The following LOXHD1 variants were observed in gnomAD, a reference collection of about 807,000 sequenced individuals.
The protein encoded by LOXHD1 is lipoxygenase homology domain-containing protein 1.
A neutral mutation model predicts 248.2 loss-of-function variants in LOXHD1; 205 were observed. The ratio of observed to expected loss-of-function variants is 0.83; its 90% CI spans 0.74 to 0.93. The LOEUF is 0.93. Ranked by LOEUF, LOXHD1 falls within the 40% of genes least tolerant of loss-of-function variation. The pLI is 0.00. For missense variants in LOXHD1, 2,930 were observed against 2,971.6 expected, an observed-to-expected ratio of 0.99 and a Z score of 0.33; for synonymous variants, 1,113 against 1,162.8, an observed-to-expected ratio of 0.96 and a Z score of 0.87.
chr18:46,592,631 G>C (rs1301026787), intron 10 of LOXHD1, 47 bp from the exon 11 acceptor site: 3 of 1,466,002 alleles, frequency 2.0e-6, no homozygotes, highest in Non-Finnish European at 1.9e-6. Context: ...CTGAAGAAAT[G>C]TGTTTATTCT....
At chr18:46,544,879 G>C in intron 23 of LOXHD1, 1 of 472,438 alleles carries the variant, frequency 2.1e-6, no homozygotes, top group Non-Finnish European at 4.4e-6. Flanking sequence ...GACTACTTGA[G>C]GGACTGACTG....
At chr18:46,509,236 G>T (rs1035261787) in intron 35 of LOXHD1, among the ~76,000 whole-genome samples, 1 of 152,102 alleles carries the variant, frequency 6.6e-6, no homozygotes, top group Non-Finnish European at 1.5e-5. Context: ...GGGTGCTGAC[G>T]GCCAAGCTCA....
intron 7 of LOXHD1, among the ~76,000 whole-genome samples, chr18:46,602,820 T>C (rs140920677): frequency 6.6e-6 from 1 of 152,256 alleles, no homozygotes; most frequent in Non-Finnish European, 1.5e-5. Flanking sequence ...TTCTCTAAGA[T>C]GCATGGACAA....
chr18:46,634,473 C>T (rs991648636), intron 4 of LOXHD1, among the ~76,000 whole-genome samples: 1 of 152,206 alleles, frequency 6.6e-6, no homozygotes, highest in African/African-American at 2.4e-5. Flanking sequence ...CCTCATGTGA[C>T]AGGTCACAGA....
At chr18:46,482,765 G>A (rs951336489) in intron 40 of LOXHD1, among the ~76,000 whole-genome samples, 1 of 152,230 alleles carries the variant, frequency 6.6e-6, no homozygotes, top group African/African-American at 2.4e-5. Context: ...TCCTTGTGCA[G>A]GGAAGGCTCT....
intron 17 of LOXHD1, among the ~76,000 whole-genome samples, chr18:46,565,216 G>C (rs2037614502): frequency 6.6e-6 from 1 of 151,692 alleles, no homozygotes; most frequent in Admixed American, 6.6e-5. Flanking sequence ...AGCTGAGATT[G>C]TGCCACTGCA....
At chr18:46,508,352 A>T (rs1263883747) in intron 35 of LOXHD1, among the ~76,000 whole-genome samples, 3 of 152,224 alleles carry the variant, frequency 2.0e-5, no homozygotes, top group Non-Finnish European at 4.4e-5. Context: ...AGGTGTAATC[A>T]GTTCAGATGA....
At chr18:46,479,284 A>G (rs111267271) in intron 40 of LOXHD1, among the ~76,000 whole-genome samples, 1,586 of 146,250 alleles carry the variant, frequency 0.011, 39 homozygotes, top group African/African-American at 0.038. Context: ...ACTGCAGAGT[A>G]CAAAGGGAAA....
chr18:46,654,291 A>G (rs930855550), intron 1 of LOXHD1, among the ~76,000 whole-genome samples: 2 of 152,244 alleles, frequency 1.3e-5, no homozygotes, highest in East Asian at 3.8e-4. Context: ...ACTAAGAGAG[A>G]AATCATTGCT....
chr18:46,546,759 G>C, intron 22 of LOXHD1, 136 bp downstream of exon 22: 1 of 979,664 alleles, frequency 1.0e-6, no homozygotes, highest in Non-Finnish European at 1.5e-6. Flanking sequence ...AGAGGAATGA[G>C]AGGGCAATAC....
intron 5 of LOXHD1, among the ~76,000 whole-genome samples, chr18:46,615,639 A>G (rs2038575594): frequency 6.6e-6 from 1 of 152,192 alleles, no homozygotes; most frequent in Non-Finnish European, 1.5e-5. Flanking sequence ...TGTTCATTAT[A>G]TGCTTGATAA....
chr18:46,493,372 T>C (rs1193319105), intron 37 of LOXHD1, among the ~76,000 whole-genome samples: 1 of 152,236 alleles, frequency 6.6e-6, no homozygotes, highest in Non-Finnish European at 1.5e-5. Context: ...CAATCTGAAA[T>C]AAGTTTGTCT....
chr18:46,610,728 GC>G, intron 6 of LOXHD1, 47 bp downstream of exon 6: 2 of 1,502,074 alleles, frequency 1.3e-6, no homozygotes, highest in Non-Finnish European at 1.8e-6. Flanking sequence ...GAACAAGAAG[GC>G]CCCCCTTCCA....
intron 12 of LOXHD1, among the ~76,000 whole-genome samples, chr18:46,581,051 A>T (rs567830330): frequency 6.6e-6 from 1 of 152,268 alleles, no homozygotes; most frequent in East Asian, 1.9e-4. Context: ...AAGCCATTGG[A>T]GGGCTTCAAG....
At chr18:46,625,162 C>G (rs1402726509) in intron 4 of LOXHD1, among the ~76,000 whole-genome samples, 1 of 152,146 alleles carries the variant, frequency 6.6e-6, no homozygotes, top group Non-Finnish European at 1.5e-5. Flanking sequence ...TTGCCCCCAC[C>G]CTGCCAGCTT....
chr18:46,620,686 C>T (rs567471376), intron 4 of LOXHD1, among the ~76,000 whole-genome samples: 1 of 152,298 alleles, frequency 6.6e-6, no homozygotes, highest in African/African-American at 2.4e-5. Flanking sequence ...GGTGGAGAGC[C>T]ACCTGCCAGG....
chr18:46,561,872 T>G (rs2037536874), intron 18 of LOXHD1, among the ~76,000 whole-genome samples: 1 of 152,202 alleles, frequency 6.6e-6, no homozygotes. Flanking sequence ...ACAGCACCCC[T>G]GCAATCAACC....
chr18:46,547,072 T>G lies in LOXHD1; in HGVS notation c.3351-14A>C, dbSNP rs955806062. The G allele has an allele frequency of 2.2e-5, 34 of 1,551,454 alleles. No homozygotes were observed. Among genetic ancestry groups the G allele is most frequent in the African/African-American group, 2.7e-5 (2 of 73,020 alleles). On this transcript the variant is annotated splice_polypyrimidine_tract_variant and intron_variant, in intron 21 of 40. Coordinates refer to ENST00000642948, the MANE Select transcript of LOXHD1 (RefSeq NM_001384474.1). Reference sequence around the variant, plus strand: ...GGAAAGTAGTACCTGTGGGGGTGGATAGGGAAAGATTGGAATGTCCTCTTA... The same window carrying G: ...GGAAAGTAGTACCTGTGGGGGTGGAGAGGGAAAGATTGGAATGTCCTCTTA...
chr18:46,514,428 C>T (rs1294126986), intron 34 of LOXHD1, among the ~76,000 whole-genome samples: 1 of 152,218 alleles, frequency 6.6e-6, no homozygotes, highest in Admixed American at 6.5e-5. Flanking sequence ...AACCTTCCCA[C>T]CCAAGTCTTC....
Sources: gnomAD v4.1 joint callset for allele counts (sites outside exome capture counted in the v4.1 genomes callset) on GRCh38, gnomAD v4.1.1 for gene constraint, MANE v1.5 for transcripts, NCBI Gene and HGNC (gene_info 2026-07-23, HGNC 2026-07-21) for gene names.